KLF13: variants seen among roughly 807,000 people sequenced by gnomAD.
The protein encoded by KLF13 is Krueppel-like factor 13.
KLF13 carries 8 observed loss-of-function variants against 16.7 expected under a neutral mutation model. The observed-to-expected ratio is 0.48, with a 90% CI of 0.28 to 0.87. The LOEUF (loss-of-function observed/expected upper bound fraction) is 0.87, where lower values mean the gene tolerates loss of function less well. KLF13 is among the 40% of genes least tolerant of loss of function. KLF13 has a pLI of 0.10. For missense variants in KLF13, 447 were observed against 452.2 expected, an observed-to-expected ratio of 0.99 and a Z score of 0.10; for synonymous variants, 245 against 208.4, an observed-to-expected ratio of 1.18 and a Z score of -1.51.
At chr15:31,359,612 A>G (rs2039350797) in intron 1 of KLF13, among the ~76,000 whole-genome samples, 2 of 152,248 alleles carry the variant, frequency 1.3e-5, no homozygotes, top group Non-Finnish European at 2.9e-5. Context: ...CAGAAAGGAC[A>G]GTCACACACA....
intron 1 of KLF13, among the ~76,000 whole-genome samples, chr15:31,411,295 TCAA>T (rs2040190232): frequency 6.6e-6 from 1 of 152,154 alleles, no homozygotes; most frequent in South Asian, 2.1e-4. Flanking sequence ...TGCTATAAAG[TCAA>T]CAATATATTA....
chr15:31,348,962 C>T (rs2039172130), intron 1 of KLF13, among the ~76,000 whole-genome samples: 1 of 152,102 alleles, frequency 6.6e-6, no homozygotes, highest in Non-Finnish European at 1.5e-5. Context: ...GGGTACTAAT[C>T]CCATAAGGAG....
chr15:31,412,479 A>G (rs1036318133), intron 1 of KLF13, among the ~76,000 whole-genome samples: 1 of 152,234 alleles, frequency 6.6e-6, no homozygotes, highest in Non-Finnish European at 1.5e-5. Context: ...CCACTATGAA[A>G]AAAAAACACT....
At chr15:31,343,883 T>G (rs935382190) in intron 1 of KLF13, among the ~76,000 whole-genome samples, 8 of 152,156 alleles carry the variant, frequency 5.3e-5, no homozygotes, top group Non-Finnish European at 1.2e-4. Flanking sequence ...GGGAGACCTC[T>G]TGATCTCCTG....
intron 1 of KLF13, among the ~76,000 whole-genome samples, chr15:31,338,889 C>T (rs1305482314): frequency 6.6e-6 from 1 of 151,960 alleles, no homozygotes. Context: ...CAGGGGTTTC[C>T]AGCCCTTAGG....
intron 1 of KLF13, among the ~76,000 whole-genome samples, chr15:31,434,206 G>T (rs935207619): frequency 1.3e-5 from 2 of 152,146 alleles, no homozygotes; most frequent in African/African-American, 2.4e-5. Context: ...CTACGGATGG[G>T]GAAATGAGGC....
chr15:31,394,367 G>A (rs747236470), intron 2 of KLF13, among the ~76,000 whole-genome samples: 2 of 151,922 alleles, frequency 1.3e-5, no homozygotes, highest in African/African-American at 4.8e-5. Flanking sequence ...GGCACCTGTA[G>A]TCCCAGCTAC....
rs1566848164 is a variant in KLF13, at chr15:31,423,117, A to ACG, written n.118-12253_118-12252insCG. ...TATATATACGTATACGTATACGTAT[A>ACG]TATACGTATATATACGTATACGTAT... is the stretch of plus-strand genomic sequence containing the variant. On this transcript the variant is annotated intron_variant and non_coding_transcript_variant, in intron 1 of 1. Transcript: ENST00000558225. Among the ~76,000 whole-genome samples, 4 of 126,934 alleles carry ACG rather than the reference A, an allele frequency of 3.2e-5. 1 individual carries two copies. In the East Asian group the frequency reaches 8.3e-4, roughly 26 times the overall value. 83.3% of individuals were successfully genotyped at this position (126,934 alleles called of 152,430 possible). A position where few individuals can be genotyped will look rare whatever the true frequency, so the allele number is the denominator to read the frequency against.
intron 1 of KLF13, among the ~76,000 whole-genome samples, chr15:31,336,239 TGGG>T (rs2038928536): frequency 6.6e-6 from 1 of 152,200 alleles, no homozygotes. Flanking sequence ...CTGGCCTCGT[TGGG>T]GGACACATCT....
chr15:31,368,820 TTAGATAGATAGA>T (rs373136224), intron 1 of KLF13, among the ~76,000 whole-genome samples: 5 of 151,834 alleles, frequency 3.3e-5, no homozygotes, highest in Admixed American at 1.3e-4. Context: ...CTATCTCAGA[TTAGATAGATAGA>T]TAGATAGATA....
chr15:31,402,497 G>A (rs1452978400), intron 2 of KLF13, among the ~76,000 whole-genome samples: 1 of 152,238 alleles, frequency 6.6e-6, no homozygotes, highest in East Asian at 1.9e-4. Flanking sequence ...AACATGTGAT[G>A]GCTCAATGTG....
In KLF13 at chr15:31,327,616, G is replaced by A. The variant is rs1163627771; in HGVS notation, c.404G>A (p.Arg135Gln). Residue 135 changes from arginine (R) to glutamine (Q), a missense_variant, in exon 1 of 2, where the codon CGG (arginine) becomes CAG (glutamine). Physicochemically the swap from Arg to Gln is conservative, Grantham distance 43. Around this residue, in one of 2 missense-constraint regions of KLF13, gnomAD observed 359 missense variants for 282.8 expected, o/e 1.27. Transcript: ENST00000307145. The stretch of plus-strand genomic sequence containing the variant: ...CCCGAGGCGGGGCTGGAGCCCGAGC[G>A]GGAGCCGGGGCCCGCGGGGAGCGGC... ...PEPEAGLEPEREPGPAGSGEP... is the reference protein window; with the variant it reads ...PEPEAGLEPEQEPGPAGSGEP... 1.7e-5 allele frequency: 22 copies of A among 1,329,212 alleles called. No homozygotes were observed. The highest frequency in any genetic ancestry group is 2.1e-5 in the Non-Finnish European group (22 of 1,024,522). 82.3% of individuals were successfully genotyped at this position (1,329,212 alleles called of 1,614,324 possible). A position where few individuals can be genotyped will look rare whatever the true frequency, so the allele number is the denominator to read the frequency against.
At chr15:31,379,745 C>G (rs977724321), downstream of KLF13, among the ~76,000 whole-genome samples, 4 of 152,336 alleles carry the variant, frequency 2.6e-5, no homozygotes, top group African/African-American at 9.6e-5. Context: ...CTGTGGCTGA[C>G]AGGTCCTCTG....
At chr15:31,393,956 T>G (rs542316140) in intron 2 of KLF13, among the ~76,000 whole-genome samples, 7 of 152,198 alleles carry the variant, frequency 4.6e-5, no homozygotes, top group Non-Finnish European at 1.0e-4. Flanking sequence ...CCTTTGCCCT[T>G]GCATCTCAGG....
intron 1 of KLF13, among the ~76,000 whole-genome samples, chr15:31,423,752 A>C (rs910692275): frequency 1.3e-5 from 2 of 152,224 alleles, no homozygotes; most frequent in African/African-American, 4.8e-5. Flanking sequence ...TTCAGGATAG[A>C]TCACATGTTA....
chr15:31,347,620 G>A (rs988780496), intron 1 of KLF13, among the ~76,000 whole-genome samples: 3 of 152,232 alleles, frequency 2.0e-5, no homozygotes, highest in Non-Finnish European at 4.4e-5. Context: ...GAGCCTCAGA[G>A]TAGGGGAGAG....
At chr15:31,393,396 A>G (rs2039902791) in intron 1 of KLF13, 2 of 152,294 alleles carry the variant, frequency 1.3e-5, no homozygotes, top group African/African-American at 4.8e-5. Flanking sequence ...CCGGCTAAAG[A>G]GTACCTACCC....
chr15:31,381,903 G>A (rs774421186), downstream of KLF13, among the ~76,000 whole-genome samples: 19 of 152,202 alleles, frequency 1.2e-4, no homozygotes, highest in Non-Finnish European at 1.9e-4. Flanking sequence ...TGCTCAGGGC[G>A]GAGAAAGGTC....
chr15:31,327,885 G>T, intron 1 of KLF13, 96 bp downstream of exon 1: 1 of 1,162,156 alleles, frequency 8.6e-7, no homozygotes, highest in Non-Finnish European at 1.1e-6. Context: ...CGCGAGGTGG[G>T]GGCCGGGCGG....
Sources: gnomAD v4.1 joint callset for allele counts (sites outside exome capture counted in the v4.1 genomes callset) on GRCh38, gnomAD v4.1.1 for gene constraint, gnomAD v4.1.1 regional missense constraint, MANE v1.5 for transcripts, NCBI Gene and HGNC (gene_info 2026-07-23, HGNC 2026-07-21) for gene names.